The following CSNK1G1 variants were observed in gnomAD, a reference collection of about 807,000 sequenced individuals.
CSNK1G1 encodes the protein casein kinase I isoform gamma-1.
In CSNK1G1, 22 loss-of-function variants were observed where a neutral mutation model predicts 59.6. The ratio of observed to expected loss-of-function variants is 0.37; its 90% CI spans 0.26 to 0.53. The LOEUF (loss-of-function observed/expected upper bound fraction) is 0.53. Among genes scored for constraint, CSNK1G1 ranks in the 20% least tolerant of loss-of-function variants. The probability of loss-of-function intolerance (pLI) is 0.89; values close to 1 mark genes in which losing one functional copy is unlikely to be tolerated. For missense variants in CSNK1G1, 384 were observed against 519.5 expected (o/e 0.74, Z 2.54); for synonymous variants, 179 against 177.1 (o/e 1.01, Z -0.08).
intron 2 of CSNK1G1, among the ~76,000 whole-genome samples, chr15:64,295,545 C>T (rs1401093944): frequency 1.3e-5 from 2 of 152,168 alleles, no homozygotes; most frequent in Non-Finnish European, 2.9e-5. Flanking sequence ...CTGACCTGGA[C>T]AATTCAGCCT....
intron 1 of CSNK1G1, among the ~76,000 whole-genome samples, chr15:64,309,975 G>A (rs1895905083): frequency 6.6e-6 from 1 of 151,380 alleles, no homozygotes. Flanking sequence ...TAAATTAGCA[G>A]GGTGGCACAT....
intron 11 of CSNK1G1, among the ~76,000 whole-genome samples, chr15:64,177,980 G>A (rs2081761108): frequency 6.6e-6 from 1 of 152,216 alleles, no homozygotes; most frequent in South Asian, 2.1e-4. Context: ...GACAATGTTT[G>A]AATCAGACCA....
intron 4 of CSNK1G1, among the ~76,000 whole-genome samples, chr15:64,218,094 C>T (rs1038807537): frequency 4.0e-5 from 6 of 151,678 alleles, no homozygotes; most frequent in African/African-American, 1.2e-4. Context: ...ACTGTAGGCT[C>T]GCTCTACCAC....
In CSNK1G1 at chr15:64,214,068, T is replaced by C. The variant is rs1001700512; in HGVS notation, c.501A>G (p.Pro167=). The C allele has an allele frequency of 2.5e-6, 4 of 1,614,192 alleles. No individual in the cohort carries two copies. Among genetic ancestry groups the C allele is most frequent in the Admixed American group, 1.7e-5 (1 of 60,026 alleles). Residue 167 remains proline (P), a synonymous_variant, in exon 6 of 12, where the codon CCA becomes CCG. Coordinates refer to ENST00000303052, the MANE Select transcript of CSNK1G1 (RefSeq NM_022048.5). The surrounding 1 kb of genome is among the most constrained non-coding windows in gnomAD (Gnocchi z 4.3). ...CTTGTCGACCAATCAGGAAGTTCTC[T>C]GGCTTGACATCTCGGTAAATGAGGT... The part of the protein sequence containing the change: ...SKNLIYRDVK[P]ENFLIGRQGN...
intron 1 of CSNK1G1, chr15:64,315,646 G>A (rs1896226959): frequency 6.6e-6 from 1 of 152,220 alleles, no homozygotes; most frequent in Non-Finnish European, 1.5e-5. Context: ...CAAAAAGCCT[G>A]AGCCCTCCTC....
chr15:64,273,570 GA>G (rs1893442369), intron 2 of CSNK1G1, among the ~76,000 whole-genome samples: 1 of 152,014 alleles, frequency 6.6e-6, no homozygotes, highest in African/African-American at 2.4e-5. Flanking sequence ...TATTTTGAAG[GA>G]AAACCTAACA....
intron 3 of CSNK1G1, 130 bp downstream of exon 3, chr15:64,259,071 G>A (rs1892548564): frequency 6.2e-6 from 4 of 650,200 alleles, no homozygotes; most frequent in Admixed American, 3.1e-5. Flanking sequence ...AGAAAAATGT[G>A]GGATCATACA....
intron 2 of CSNK1G1, among the ~76,000 whole-genome samples, chr15:64,278,422 A>G (rs62021617): frequency 0.025 from 2,226 of 88,188 alleles, 33 homozygotes; most frequent in African/African-American, 0.064. Context: ...GTGTGTGTAT[A>G]TATATATATA....
chr15:64,307,412 G>C (rs900230456), intron 1 of CSNK1G1, among the ~76,000 whole-genome samples: 8 of 152,046 alleles, frequency 5.3e-5, no homozygotes, highest in Non-Finnish European at 1.0e-4. Context: ...AAAAATCTAT[G>C]CTCAAAACTA....
intron 2 of CSNK1G1, chr15:64,265,912 C>T (rs575495523): frequency 2.3e-6 from 1 of 429,258 alleles, no homozygotes; most frequent in South Asian, 1.6e-5. Context: ...TGAGACACTG[C>T]ATCTGCAAAA....
Position 64,214,640 on chromosome 15 carries a change from C to A in CSNK1G1, c.445-516G>T, listed in dbSNP as rs2082287778. On this transcript the variant is annotated intron_variant, in intron 5 of 11. Transcript: ENST00000303052. The surrounding 1 kb of genome is among the most constrained non-coding windows in gnomAD (Gnocchi z 4.3). ...CTGACATCACATAGCTAATTAGCAG[C>A]AGAGACAGGGAAACAGTTCATTATT... 6.6e-6 allele frequency among the ~76,000 whole-genome samples: 1 copy of A among 152,142 alleles called. No individual in the cohort carries two copies.
At chr15:64,349,086 G>A (rs1258467391) in intron 1 of CSNK1G1, among the ~76,000 whole-genome samples, 2 of 148,078 alleles carry the variant, frequency 1.4e-5, no homozygotes, top group Non-Finnish European at 3.0e-5. Flanking sequence ...GCAGTGAGCC[G>A]AGATCACGCC....
chr15:64,181,200 T>A lies in CSNK1G1; in HGVS notation c.1108-746A>T. ...GCCAGTCTTATTTCAACGATCTTTA[T>A]TTCAGGTTCACTGCCATCCCAGTTC... On this transcript the variant is annotated intron_variant, in intron 10 of 11. Coordinates refer to ENST00000303052, the MANE Select transcript of CSNK1G1 (RefSeq NM_022048.5). 5 of 1,528,216 alleles carry A rather than the reference T, an allele frequency of 3.3e-6. No homozygotes were observed. In the South Asian group the frequency reaches 6.1e-5, roughly 19 times the overall value. 94.7% of individuals were successfully genotyped at this position (1,528,216 alleles called of 1,614,324 possible).
In CSNK1G1 at chr15:64,241,105, A is replaced by C. The variant is rs867988160; in HGVS notation, c.292+10407T>G. Among the ~76,000 whole-genome samples the C allele has an allele frequency of 5.9e-5, 9 of 152,262 alleles. 1 individual carries two copies. Among genetic ancestry groups the C allele is most frequent in the African/African-American group, 1.9e-4 (8 of 41,552 alleles). On this transcript the variant is annotated intron_variant, in intron 4 of 11. Transcript: ENST00000303052. ...TGAACTGATAAAAAACGATGACCCAACTATATACTGCCTACAAGAAACTCA... is the reference window on the plus strand; with the variant it reads ...TGAACTGATAAAAAACGATGACCCACCTATATACTGCCTACAAGAAACTCA...
chr15:64,291,280 T>C (rs763742698), intron 2 of CSNK1G1, among the ~76,000 whole-genome samples: 2 of 152,156 alleles, frequency 1.3e-5, no homozygotes, highest in Non-Finnish European at 2.9e-5. Flanking sequence ...AGAGAAGAAA[T>C]ACCTTTAAAT....
intron 4 of CSNK1G1, among the ~76,000 whole-genome samples, chr15:64,247,720 G>C (rs1392709139): frequency 1.3e-5 from 2 of 152,172 alleles, no homozygotes; most frequent in African/African-American, 2.4e-5. Context: ...GGTCATCAAT[G>C]TGAAACTGGG....
intron 4 of CSNK1G1, among the ~76,000 whole-genome samples, chr15:64,218,289 A>T (rs1316843078): frequency 6.6e-6 from 1 of 152,044 alleles, no homozygotes; most frequent in Non-Finnish European, 1.5e-5. Flanking sequence ...ATATAGACAG[A>T]TGTACATCTA....
At chr15:64,316,089 T>C (rs1330190295) in intron 1 of CSNK1G1, among the ~76,000 whole-genome samples, 2 of 152,174 alleles carry the variant, frequency 1.3e-5, no homozygotes, top group African/African-American at 2.4e-5. Context: ...TGCAGTAGCA[T>C]GGTCAGAGCT....
intron 1 of CSNK1G1, among the ~76,000 whole-genome samples, chr15:64,329,134 G>A (rs1220267843): frequency 6.6e-6 from 1 of 151,544 alleles, no homozygotes; most frequent in Non-Finnish European, 1.5e-5. Context: ...AAGTCAACAA[G>A]GATACCCAGG....
Sources: gnomAD v4.1 joint callset for allele counts (sites outside exome capture counted in the v4.1 genomes callset) on GRCh38, gnomAD v4.1.1 for gene constraint, Gnocchi (gnomAD v3.1) non-coding constraint, MANE v1.5 for transcripts, NCBI Gene and HGNC (gene_info 2026-07-23, HGNC 2026-07-21) for gene names.